Variants in TNPO2 observed in about 807,000 individuals in gnomAD.
The protein encoded by TNPO2 is transportin-2.
In TNPO2, 16 loss-of-function variants were observed where a neutral mutation model predicts 111.1. The ratio of observed to expected loss-of-function variants is 0.14; its 90% confidence interval spans 0.10 to 0.22. The LOEUF (loss-of-function observed/expected upper bound fraction) is 0.22, where lower values mean the gene tolerates loss of function less well. Among genes scored for constraint, TNPO2 ranks in the 10% least tolerant of loss-of-function variants. TNPO2 has a pLI of 1.00. For synonymous variants in TNPO2, 481 were observed against 475.8 expected, an observed-to-expected ratio of 1.01 and a Z score of -0.14; for missense variants, 530 against 1,173.7, an observed-to-expected ratio of 0.45 and a Z score of 8.01.
chr19:12,704,374 A>T (rs1412332546), intron 18 of TNPO2, among the ~76,000 whole-genome samples: 1 of 147,492 alleles, frequency 6.8e-6, no homozygotes, highest in African/African-American at 2.5e-5. Flanking sequence ...GTCTCAAAAA[A>T]CAGGTGGGGG....
rs368171911 is a variant in TNPO2, at chr19:12,710,732, A to G, written c.1159T>C (p.Phe387Leu). The change falls in exon 13 of 26, where the codon TTC becomes CTC. Residue 387 changes from phenylalanine (F) to leucine (L), a missense_variant. This residue lies in a region of TNPO2 where 88 missense variants were observed against 130.2 expected (regional missense o/e 0.68). Coordinates refer to ENST00000425528, the MANE Select transcript of TNPO2 (RefSeq NM_001382241.1). ...AGGTGGGGCAGCAGTTCCTCCCGGA[A>G]GACATTGGCGAGGACGTCCAGTGCA... Reference protein sequence around the residue: ...AAALDVLANVFREELLPHLLP... With the variant: ...AAALDVLANVLREELLPHLLP... 3 of 1,613,472 alleles carry G rather than the reference A, an allele frequency of 1.9e-6. No individual in the cohort carries two copies. The highest frequency in any genetic ancestry group is 2.5e-6 in the Non-Finnish European group (3 of 1,179,688).
Position 12,715,584 on chromosome 19 carries a change from G to A in TNPO2, c.433-46C>T. Reference sequence around the variant, plus strand: ...AGACAAACGTGGGTGGTGGGTGGTGGTCCCAGCCCCCCAGTACTCGCTCTG... The same window carrying A: ...AGACAAACGTGGGTGGTGGGTGGTGATCCCAGCCCCCCAGTACTCGCTCTG... On this transcript the variant is annotated intron_variant, in intron 6 of 25. Transcript: ENST00000425528. This position sits in a 1 kb window ranked among gnomAD's most constrained non-coding sequence, Gnocchi z 7.1. 1 of 1,613,540 alleles carries A rather than the reference G, an allele frequency of 6.2e-7. No individual in the cohort carries two copies. Among genetic ancestry groups the A allele is most frequent in the African/African-American group, 1.3e-5 (1 of 75,014 alleles).
At position 12,701,998 on chromosome 19, in the gene TNPO2, G is replaced by C. The variant is rs1238056109; in HGVS notation, c.2411+74C>G. ...GGGAGTCAGTAGGCAGATGGGGCTG[G>C]AAATGCACAGGCGAGGGAGGGGGTT... On this transcript the variant is annotated intron_variant, in intron 22 of 25. Coordinates refer to ENST00000425528, the MANE Select transcript of TNPO2 (RefSeq NM_001382241.1). The surrounding 1 kb of genome is among the most constrained non-coding windows in gnomAD (Gnocchi z 5.0). 1.3e-6 allele frequency: 2 copies of C among 1,502,716 alleles called. No individual in the cohort carries two copies. Among genetic ancestry groups the C allele is most frequent in the African/African-American group, 1.4e-5 (1 of 72,704 alleles). The allele number at this position is 1,502,716 out of a possible 1,614,324, so 93.1% of individuals were successfully genotyped here.
chr19:12,705,299 G>T lies in TNPO2; in HGVS notation c.1963C>A (p.His655Asn). 6.2e-7 allele frequency: 1 copy of T among 1,602,154 alleles called. No homozygotes were observed. The highest frequency in any genetic ancestry group is 1.1e-5 in the South Asian group (1 of 88,764). The change falls in exon 18 of 26, where the codon CAC becomes AAC. Residue 655 changes from histidine (H) to asparagine (N), a missense_variant. Physicochemically the swap from His to Asn is moderately conservative, Grantham distance 68. This residue lies in a region of TNPO2 where 183 missense variants were observed against 481.0 expected (regional missense o/e 0.38). Transcript: ENST00000425528. The surrounding 1 kb of genome is among the most constrained non-coding windows in gnomAD (Gnocchi z 7.2). Reference protein sequence around the residue: ...LSGLAEGLGGHVEQLVARSNI... With the variant: ...LSGLAEGLGGNVEQLVARSNI... The stretch of plus-strand genomic sequence containing the variant: ...CTGCGGGCCACCAGCTGCTCCACGT[G>T]ACCACCCAGGCCCTCGGCCAGGCCG...
rs1459945019 is a variant in TNPO2, at chr19:12,703,797, G to A, written c.2027C>T (p.Ser676Leu). The change falls in exon 19 of 26, where the codon TCG becomes TTG. Residue 676 changes from serine to leucine, a missense_variant. Physicochemically the swap from Ser to Leu is moderately radical, Grantham distance 145. This residue lies in a region of TNPO2 where 183 missense variants were observed against 481.0 expected (regional missense o/e 0.38). Transcript: ENST00000425528. ...GGAGCTCTGCCGGACCTCAGGCATCGAGTCCTGGGGATTCAAGTAAGATCA... is the reference window on the plus strand; with the variant it reads ...GGAGCTCTGCCGGACCTCAGGCATCAAGTCCTGGGGATTCAAGTAAGATCA... Reference protein sequence around the residue: ...MTLLFQCMQDSMPEVRQSSFA... With the variant: ...MTLLFQCMQDLMPEVRQSSFA... 18 of 1,581,202 alleles carry A rather than the reference G, an allele frequency of 1.1e-5. No individual in the cohort carries two copies. The highest frequency in any genetic ancestry group is 1.8e-5 in the Admixed American group (1 of 54,472).
At chr19:12,703,227 A>G (rs2025432119) in intron 20 of TNPO2, among the ~76,000 whole-genome samples, 2 of 152,072 alleles carry the variant, frequency 1.3e-5, no homozygotes, top group Admixed American at 1.3e-4. Flanking sequence ...AGCCAACTAC[A>G]CAAAACGGTC....
At position 12,710,735 on chromosome 19, in the gene TNPO2, C is replaced by T; in HGVS notation, c.1156G>A (p.Val386Ile). The T allele has an allele frequency of 6.2e-7, 1 of 1,613,368 alleles. No individual in the cohort carries two copies. The highest frequency in any genetic ancestry group is 8.5e-7 in the Non-Finnish European group (1 of 1,179,644). The change falls in exon 13 of 26, where the codon GTC (valine) becomes ATC (isoleucine). Residue 386 changes from valine (V) to isoleucine (I), a missense_variant. Coordinates refer to ENST00000425528, the MANE Select transcript of TNPO2 (RefSeq NM_001382241.1). The part of the protein sequence containing the change: ...SAAALDVLAN[V>I]FREELLPHLL... Reference sequence around the variant, plus strand: ...TGGGGCAGCAGTTCCTCCCGGAAGACATTGGCGAGGACGTCCAGTGCAGCC... The same window carrying T: ...TGGGGCAGCAGTTCCTCCCGGAAGATATTGGCGAGGACGTCCAGTGCAGCC...
In TNPO2 at chr19:12,715,031, C is replaced by T. The variant is rs1568337658; in HGVS notation, c.771+16G>A. ...CCCCCTGCCTGCCCGCCTGGGCTGGCCTTGACCATGCACACCTGGATGATG... is the reference window on the plus strand; with the variant it reads ...CCCCCTGCCTGCCCGCCTGGGCTGGTCTTGACCATGCACACCTGGATGATG... On this transcript the variant is annotated intron_variant, in intron 9 of 25. Transcript: ENST00000425528. The surrounding 1 kb of genome is among the most constrained non-coding windows in gnomAD (Gnocchi z 7.1). 3 of 1,571,356 alleles carry T rather than the reference C, an allele frequency of 1.9e-6. No individual in the cohort carries two copies. Among genetic ancestry groups the T allele is most frequent in the Non-Finnish European group, 1.7e-6 (2 of 1,159,266 alleles).
At chr19:12,722,100 A>C in intron 2 of TNPO2, 2 of 90,566 alleles carry the variant, frequency 2.2e-5, no homozygotes, top group African/African-American at 4.4e-5. Flanking sequence ...ATCAGACCCA[A>C]CCAAGCCCCA....
intron 1 of TNPO2, chr19:12,723,566 T>C (rs1967146396): frequency 6.6e-6 from 1 of 152,254 alleles, no homozygotes; most frequent in African/African-American, 2.4e-5. Flanking sequence ...GAATTGTTCC[T>C]TAAAAACGTG....
chr19:12,719,480 C>A lies in TNPO2; in HGVS notation c.100-144G>T. On this transcript the variant is annotated intron_variant, in intron 3 of 25. Coordinates refer to ENST00000425528, the MANE Select transcript of TNPO2 (RefSeq NM_001382241.1). The surrounding 1 kb of genome is among the most constrained non-coding windows in gnomAD (Gnocchi z 5.0). ...GCTCCCTAATAAGCCCACAATGACA[C>A]AGAGCACCTCAGACACGTCAAATTC... 2.8e-6 allele frequency: 2 copies of A among 703,014 alleles called. No homozygotes were observed. The highest frequency in any genetic ancestry group is 2.5e-6 in the Non-Finnish European group (1 of 395,838). The allele number at this position is 703,014 out of a possible 1,614,324, so 43.5% of individuals were successfully genotyped here.
chr19:12,707,489 T>C (rs1260459285), intron 13 of TNPO2, among the ~76,000 whole-genome samples: 1 of 117,384 alleles, frequency 8.5e-6, no homozygotes, highest in Non-Finnish European at 1.9e-5. Context: ...CTTTTTTTTT[T>C]TTTTTTTTTT....
In TNPO2 at chr19:12,721,116, C is replaced by T; in HGVS notation, c.-13-126G>A. ...GCCCTCGGCGGACAGGCGGAGGCCT[C>T]CGATCCACGCCCGCCCAAGTGCGGG... On this transcript the variant is annotated intron_variant, in intron 2 of 25. Transcript: ENST00000425528. This position sits in a 1 kb window ranked among gnomAD's most constrained non-coding sequence, Gnocchi z 4.9. 1 of 1,505,846 alleles carries T rather than the reference C, an allele frequency of 6.6e-7. No homozygotes were observed. Among genetic ancestry groups the T allele is most frequent in the Non-Finnish European group, 8.8e-7 (1 of 1,134,142 alleles). The allele number at this position is 1,505,846 out of a possible 1,614,324, so 93.3% of individuals were successfully genotyped here. A position where few individuals can be genotyped will look rare whatever the true frequency, so the allele number is the denominator to read the frequency against.
chr19:12,709,337 G>A (rs1404769944), intron 13 of TNPO2, among the ~76,000 whole-genome samples: 1 of 152,132 alleles, frequency 6.6e-6, no homozygotes, highest in Non-Finnish European at 1.5e-5. Flanking sequence ...ACCCCAGCCT[G>A]GCGAGAAAGC....
intron 13 of TNPO2, 105 bp downstream of exon 13, chr19:12,710,516 G>A (rs2025974864): frequency 1.5e-6 from 2 of 1,337,798 alleles, no homozygotes; most frequent in Non-Finnish European, 1.0e-6. Flanking sequence ...TTTGGAGTGG[G>A]GTGAGTAGGC....
intron 2 of TNPO2, among the ~76,000 whole-genome samples, 171 bp downstream of exon 2, chr19:12,723,078 C>T (rs1422977765): frequency 6.6e-6 from 1 of 152,150 alleles, no homozygotes; most frequent in Non-Finnish European, 1.5e-5. Flanking sequence ...AAGTAAGTGC[C>T]TGAGACAAGC....
rs762668023 is a variant in TNPO2 at position 12,706,820 on chromosome 19, G to C, written c.1271-25C>G. 8.3e-6 allele frequency: 13 copies of C among 1,573,932 alleles called. No individual in the cohort carries two copies. The East Asian group carries it at 2.8e-4, about 34-fold the overall frequency. ...CCTACAAGGAAAGGGAACCAAGAGG[G>C]GGCAGTTTGATTGGGCCCAGCCACA... On this transcript the variant is annotated intron_variant, in intron 13 of 25. Transcript: ENST00000425528. The surrounding 1 kb of genome is among the most constrained non-coding windows in gnomAD (Gnocchi z 7.0).
At position 12,715,122 on chromosome 19, in the gene TNPO2, A is replaced by G; in HGVS notation, c.696T>C (p.Asn232=). The change falls in exon 9 of 26, where the codon AAT becomes AAC. Residue 232 remains asparagine (N), a synonymous_variant. Coordinates refer to ENST00000425528, the MANE Select transcript of TNPO2 (RefSeq NM_001382241.1). The surrounding 1 kb of genome is among the most constrained non-coding windows in gnomAD (Gnocchi z 7.1). Reference sequence around the variant, plus strand: ...GAAGCATCACCAGGGCACGGCACACATTCTTCCGCACCTCGGGGTCATCAT... The same window carrying G: ...GAAGCATCACCAGGGCACGGCACACGTTCTTCCGCACCTCGGGGTCATCAT... ...AVDDDPEVRK[N]VCRALVMLLE... 6.3e-7 allele frequency: 1 copy of G among 1,596,496 alleles called. No homozygotes were observed.
rs1455785306 is a variant in TNPO2, at chr19:12,705,199, C to G, written c.2022+41G>C. 2.6e-6 allele frequency: 4 copies of G among 1,567,806 alleles called. No individual in the cohort carries two copies. The South Asian group carries it at 4.7e-5, about 18-fold the overall frequency. On this transcript the variant is annotated intron_variant, in intron 18 of 25. Transcript: ENST00000425528. The surrounding 1 kb of genome is among the most constrained non-coding windows in gnomAD (Gnocchi z 7.2). ...GACTCCCCACCAGGGGCAGCCCACG[C>G]AGGCTGCTGGGTGTCATCACTGTCC...
Sources: allele counts gnomAD v4.1 joint callset (sites outside exome capture counted in the v4.1 genomes callset), GRCh38; gene constraint gnomAD v4.1.1; regional missense constraint gnomAD v4.1.1; non-coding constraint Gnocchi (gnomAD v3.1); transcripts MANE v1.5; gene names NCBI Gene and HGNC (gene_info 2026-07-23, HGNC 2026-07-21).